MALRD1: variants seen among roughly 807,000 people sequenced by gnomAD.
MALRD1 encodes the protein MAM and LDL-receptor class A domain-containing protein 1.
A neutral mutation model predicts 242.1 loss-of-function variants in MALRD1; 247 were observed. The observed-to-expected ratio is 1.02, with a 90% confidence interval of 0.92 to 1.13. The LOEUF (loss-of-function observed/expected upper bound fraction) is 1.13, where lower values mean the gene tolerates loss of function less well. MALRD1 is among the 50% of genes most tolerant of loss of function. The pLI, the probability that MALRD1 is intolerant of heterozygous loss-of-function variation, is 0.00. For synonymous variants in MALRD1, 995 were observed against 866.6 expected, an observed-to-expected ratio of 1.15 and a Z score of -2.60; for missense variants, 2,989 against 2,533.1, an observed-to-expected ratio of 1.18 and a Z score of -3.86.
Position 19,666,940 on chromosome 10 carries a change from A to G in MALRD1, c.6138-25342A>G, listed in dbSNP as rs189061179. On this transcript the variant is annotated intron_variant, in intron 36 of 39. Transcript: ENST00000454679. ...TGTGTACCTGCAGAAGAAGCTATCA[A>G]TGAGGAGCAAATGCATTCACTTTAC... 1.2e-4 allele frequency among the ~76,000 whole-genome samples: 18 copies of G among 152,312 alleles called. No individual in the cohort carries two copies. In the East Asian group the frequency reaches 3.3e-3, roughly 28 times the overall value.
intron 38 of MALRD1, among the ~76,000 whole-genome samples, chr10:19,694,206 A>G (rs1222227909): frequency 1.3e-5 from 2 of 152,240 alleles, no homozygotes; most frequent in African/African-American, 4.8e-5. Flanking sequence ...CAATGGCAAC[A>G]AAAGCCAAAA....
chr10:19,397,358 T>C (rs890288829), intron 28 of MALRD1, among the ~76,000 whole-genome samples: 1 of 152,148 alleles, frequency 6.6e-6, no homozygotes, highest in African/African-American at 2.4e-5. Flanking sequence ...CTGTACCTGG[T>C]ATATTTCACT....
rs80250363 is a variant in MALRD1 at position 19,434,921 on chromosome 10, A to C, written c.4846-15386A>C. Among the ~76,000 whole-genome samples, 839 of 151,888 alleles carry C rather than the reference A, an allele frequency of 5.5e-3. 11 individuals carry two copies. The highest frequency in any genetic ancestry group is 0.021 in the East Asian group (109 of 5,182). On this transcript the variant is annotated intron_variant, in intron 28 of 39. Transcript: ENST00000454679. ...GGTTTAATTGATAAAATATGAAAAA[A>C]ATTAACAACAAAATAATTATTGGAC...
At chr10:19,341,506 ATATATGTGTG>A (rs1843866792) in intron 24 of MALRD1, among the ~76,000 whole-genome samples, 1 of 143,080 alleles carries the variant, frequency 7.0e-6, no homozygotes, top group African/African-American at 2.7e-5. Flanking sequence ...ATATATGTAT[ATATATGTGTG>A]TATATATGTA....
chr10:19,173,815 G>C (rs941170311), intron 13 of MALRD1, among the ~76,000 whole-genome samples: 1 of 152,098 alleles, frequency 6.6e-6, no homozygotes, highest in Non-Finnish European at 1.5e-5. Context: ...TCTTCTTTGA[G>C]TCTCCTAGTA....
At chr10:19,243,060 TCCC>T (rs1297416403) in intron 18 of MALRD1, among the ~76,000 whole-genome samples, 27 of 140,082 alleles carry the variant, frequency 1.9e-4, no homozygotes, top group Admixed American at 1.5e-3. Context: ...TTGTTTCTTT[TCCC>T]TTTTTTTTTT....
chr10:19,437,817 A>G (rs570322539), intron 28 of MALRD1, among the ~76,000 whole-genome samples: 293 of 152,246 alleles, frequency 1.9e-3, no homozygotes, highest in African/African-American at 6.6e-3. Context: ...CTTATTTCAG[A>G]TCACATATTT....
At chr10:19,335,616 T>C (rs1405250812) in intron 24 of MALRD1, among the ~76,000 whole-genome samples, 1 of 152,120 alleles carries the variant, frequency 6.6e-6, no homozygotes, top group Non-Finnish European at 1.5e-5. Context: ...AACCATGTAT[T>C]TGGGTTTAAA....
intron 36 of MALRD1, among the ~76,000 whole-genome samples, chr10:19,639,257 G>A (rs867048111): frequency 2.0e-5 from 3 of 152,148 alleles, no homozygotes; most frequent in Admixed American, 1.3e-4. Flanking sequence ...ACACAGATGG[G>A]TGAAACTTAA....
chr10:19,204,260 A>T (rs1564464635), intron 15 of MALRD1, 48 bp from the exon 16 acceptor site: 1 of 1,186,452 alleles, frequency 8.4e-7, no homozygotes, highest in East Asian at 2.6e-5. Flanking sequence ...CTCATTTTAG[A>T]ATCCAATAGG....
In MALRD1 at chr10:19,170,217, C is replaced by T. The variant is rs185460793; in HGVS notation, c.1830+4407C>T. Among the ~76,000 whole-genome samples the T allele has an allele frequency of 4.4e-4, 67 of 152,286 alleles. 1 individual carries two copies. In the South Asian group the frequency reaches 0.011, roughly 25 times the overall value. ...AAAATTTAGGTCAAAGAGTTAATAGCATTTTTCAAATCTGTTTTAACTTGG... is the reference window on the plus strand; with the variant it reads ...AAAATTTAGGTCAAAGAGTTAATAGTATTTTTCAAATCTGTTTTAACTTGG... On this transcript the variant is annotated intron_variant, in intron 13 of 39. Coordinates refer to ENST00000454679, the MANE Select transcript of MALRD1 (RefSeq NM_001142308.3).
intron 18 of MALRD1, among the ~76,000 whole-genome samples, chr10:19,227,947 C>T (rs1429036427): frequency 4.6e-5 from 7 of 152,132 alleles, no homozygotes; most frequent in South Asian, 4.1e-4. Flanking sequence ...GTGGCTGACA[C>T]GGGCAGAACT....
At chr10:19,517,251 C>G (rs1833677005) in intron 31 of MALRD1, among the ~76,000 whole-genome samples, 1 of 152,122 alleles carries the variant, frequency 6.6e-6, no homozygotes, top group Admixed American at 6.6e-5. Context: ...GAGTCAAGCC[C>G]TTAAGTACTT....
chr10:19,134,160 T>C (rs1433304778), intron 9 of MALRD1, among the ~76,000 whole-genome samples: 1 of 152,148 alleles, frequency 6.6e-6, no homozygotes, highest in Non-Finnish European at 1.5e-5. Flanking sequence ...GTGTCTCCAC[T>C]CTCGTTCACA....
chr10:19,653,782 T>A lies in MALRD1; in HGVS notation c.6137+37859T>A, dbSNP rs945074374. On this transcript the variant is annotated intron_variant, in intron 36 of 39. Transcript: ENST00000454679. ...AAATTTCAGAGTAATATCAAAGTTA[T>A]TCTTTGGTGGTCCATGGTGATCCAT... Among the ~76,000 whole-genome samples, 34 of 152,290 alleles carry A rather than the reference T, an allele frequency of 2.2e-4. 1 individual carries two copies. Among genetic ancestry groups the A allele is most frequent in the African/African-American group, 7.5e-4 (31 of 41,548 alleles).
At chr10:19,144,398 A>C (rs1833658088) in intron 10 of MALRD1, among the ~76,000 whole-genome samples, 1 of 152,222 alleles carries the variant, frequency 6.6e-6, no homozygotes, top group East Asian at 1.9e-4. Flanking sequence ...CACGGCTTTC[A>C]GATCTAAAGG....
rs147269085 is a variant in MALRD1, at chr10:19,202,960, A to T, written c.1952-768A>T. Among the ~76,000 whole-genome samples, 416 of 152,292 alleles carry T rather than the reference A, an allele frequency of 2.7e-3. 3 individuals carry two copies. Among genetic ancestry groups the T allele is most frequent in the African/African-American group, 9.6e-3 (399 of 41,570 alleles). ...TCAACCTCTCTGTCTTCTTTTGTAA[A>T]ATAACAACAACAATAATACCTTCCT... is the stretch of plus-strand genomic sequence containing the variant. On this transcript the variant is annotated intron_variant, in intron 14 of 39. Coordinates refer to ENST00000454679, the MANE Select transcript of MALRD1 (RefSeq NM_001142308.3).
intron 38 of MALRD1, among the ~76,000 whole-genome samples, chr10:19,707,168 C>T (rs1257615640): frequency 2.6e-5 from 4 of 151,408 alleles, no homozygotes; most frequent in South Asian, 2.1e-4. Flanking sequence ...TCTTCTTCTT[C>T]GTCCTCCTCC....
chr10:19,730,536 C>CAAAAAAT (rs975150530), intron 38 of MALRD1, 170 bp from the exon 39 acceptor site: 1 of 756,358 alleles, frequency 1.3e-6, no homozygotes, highest in East Asian at 2.8e-5. Flanking sequence ...TGGTGTCCTG[C>CAAAAAAT]AAAAAATAAA....
Sources: gnomAD v4.1 joint callset for allele counts (sites outside exome capture counted in the v4.1 genomes callset) on GRCh38, gnomAD v4.1.1 for gene constraint, MANE v1.5 for transcripts, NCBI Gene and HGNC (gene_info 2026-07-23, HGNC 2026-07-21) for gene names.